The following SLC39A11 variants were observed in gnomAD, a reference collection of about 807,000 sequenced individuals.
SLC39A11 encodes zinc transporter ZIP11.
A neutral mutation model predicts 36.1 loss-of-function variants in SLC39A11; 33 were observed. The observed-to-expected ratio is 0.91, with a 90% CI of 0.69 to 1.22. The LOEUF (loss-of-function observed/expected upper bound fraction) is 1.22. SLC39A11 is among the 50% of genes most tolerant of loss of function. The probability of loss-of-function intolerance (pLI) is 0.00; values close to 1 mark genes in which losing one functional copy is unlikely to be tolerated. For missense variants in SLC39A11, 432 were observed against 430.3 expected (o/e 1.00, Z -0.03); for synonymous variants, 166 against 170.3 (o/e 0.97, Z 0.20).
At chr17:72,886,507 G>A (rs905034447) in intron 5 of SLC39A11, among the ~76,000 whole-genome samples, 8 of 151,988 alleles carry the variant, frequency 5.3e-5, no homozygotes, top group Non-Finnish European at 8.8e-5. Context: ...ATTCAACTCC[G>A]CCACTCTTTC....
intron 7 of SLC39A11, among the ~76,000 whole-genome samples, chr17:72,708,579 T>A (rs1465092520): frequency 6.6e-6 from 1 of 152,132 alleles, no homozygotes; most frequent in Admixed American, 6.6e-5. Flanking sequence ...TGTTACCTCA[T>A]CTCCTAATAT....
At chr17:72,862,152 T>C (rs1169790083) in intron 5 of SLC39A11, among the ~76,000 whole-genome samples, 5 of 152,088 alleles carry the variant, frequency 3.3e-5, no homozygotes, top group Non-Finnish European at 7.4e-5. Context: ...TTTTAATGAA[T>C]CCAATTAGTG....
chr17:73,054,589 C>T (rs1181815633), intron 3 of SLC39A11, among the ~76,000 whole-genome samples: 1 of 152,068 alleles, frequency 6.6e-6, no homozygotes, highest in East Asian at 1.9e-4. Context: ...AGGTGGATCA[C>T]TTGAGGTCAG....
intron 7 of SLC39A11, among the ~76,000 whole-genome samples, chr17:72,702,226 C>T (rs578169093): frequency 6.6e-6 from 1 of 152,368 alleles, no homozygotes; most frequent in African/African-American, 2.4e-5. Context: ...CTGTGTTCTA[C>T]TGAGTCCAAA....
intron 5 of SLC39A11, among the ~76,000 whole-genome samples, chr17:72,867,000 G>A (rs1362141104): frequency 6.6e-6 from 1 of 152,184 alleles, no homozygotes; most frequent in Non-Finnish European, 1.5e-5. Context: ...GAAAATGGAA[G>A]CAACCATTGA....
Position 72,649,213 on chromosome 17 carries a change from G to T in SLC39A11, c.727C>A (p.Leu243Ile), listed in dbSNP as rs374143884. The T allele has an allele frequency of 1.4e-4, 226 of 1,614,124 alleles. No homozygotes were observed. Among genetic ancestry groups the T allele is most frequent in the Non-Finnish European group, 1.8e-4 (214 of 1,180,046 alleles). ...QNFPEGLAVS[L>I]PLRGAGFSTW... The stretch of plus-strand genomic sequence containing the variant: ...GAGAAGCCTGCCCCTCGCAAGGGAA[G>T]GCTGACAGCCAGGCCCTCGGGGAAA... The change falls in exon 8 of 10, where the codon CTT becomes ATT. Residue 243 changes from leucine (L) to isoleucine (I), a missense_variant. Transcript: ENST00000255559.
intron 7 of SLC39A11, among the ~76,000 whole-genome samples, chr17:72,702,959 A>G (rs189667427): frequency 2.7e-5 from 4 of 149,856 alleles, no homozygotes; most frequent in Admixed American, 2.0e-4. Context: ...AAAAAATGGA[A>G]GAAAGGAAAA....
chr17:72,795,686 C>T (rs891688), intron 6 of SLC39A11, among the ~76,000 whole-genome samples: 19,626 of 152,068 alleles, frequency 0.13, 1,950 homozygotes, highest in African/African-American at 0.27. Context: ...ATCCTCCCAA[C>T]AGAAGAGTTC....
chr17:72,793,928 G>A (rs1334238916), intron 6 of SLC39A11, among the ~76,000 whole-genome samples: 1 of 151,342 alleles, frequency 6.6e-6, no homozygotes, highest in Non-Finnish European at 1.5e-5. Flanking sequence ...AAATGACACA[G>A]CTGATACCAC....
At chr17:72,773,816 C>G (rs996375083) in intron 6 of SLC39A11, among the ~76,000 whole-genome samples, 1 of 152,048 alleles carries the variant, frequency 6.6e-6, no homozygotes, top group Non-Finnish European at 1.5e-5. Context: ...ACCTGTAGAC[C>G]TAGAAAAAAA....
At chr17:73,032,754 T>C (rs780086801) in intron 3 of SLC39A11, among the ~76,000 whole-genome samples, 1 of 152,184 alleles carries the variant, frequency 6.6e-6, no homozygotes, top group East Asian at 1.9e-4. Context: ...CAACGTCATA[T>C]TGGTCTCATC....
chr17:72,832,548 C>A (rs546262925), intron 6 of SLC39A11, among the ~76,000 whole-genome samples: 280 of 152,314 alleles, frequency 1.8e-3, no homozygotes, highest in African/African-American at 6.3e-3. Context: ...AATTACCACA[C>A]TGAAAAGTGG....
Position 72,646,230 on chromosome 17 carries a change from T to C in SLC39A11, c.*1354A>G, listed in dbSNP as rs2069555576. The C allele has an allele frequency of 6.6e-6, 1 of 152,652 alleles. No homozygotes were observed. Among genetic ancestry groups the C allele is most frequent in the African/African-American group, 2.4e-5 (1 of 41,452 alleles). 9.5% of individuals were successfully genotyped at this position (152,652 alleles called of 1,614,324 possible). A position where few individuals can be genotyped will look rare whatever the true frequency, so the allele number is the denominator to read the frequency against. On this transcript the variant is annotated 3_prime_UTR_variant, in exon 10 of 10. Coordinates refer to ENST00000255559, the MANE Select transcript of SLC39A11 (RefSeq NM_139177.4). ...AGATTCACCCTTGGAAGCAATTGAA[T>C]GTGTAAACTCTGAGAGCAGACACTG...
intron 4 of SLC39A11, among the ~76,000 whole-genome samples, chr17:72,967,123 T>C (rs561434514): frequency 1.3e-5 from 2 of 152,260 alleles, no homozygotes; most frequent in East Asian, 3.9e-4. Flanking sequence ...TTGTCCATTA[T>C]GGTGAGTTAT....
At chr17:72,856,302 T>A (rs1420406917) in intron 5 of SLC39A11, among the ~76,000 whole-genome samples, 30 of 152,258 alleles carry the variant, frequency 2.0e-4, no homozygotes, top group Non-Finnish European at 1.5e-5. Flanking sequence ...TTTCTTTGAC[T>A]ACAAGTGAGG....
intron 5 of SLC39A11, among the ~76,000 whole-genome samples, chr17:72,893,333 T>C (rs1437124698): frequency 6.6e-6 from 1 of 152,040 alleles, no homozygotes. Context: ...TGGTGACACA[T>C]GCCTATAATC....
intron 6 of SLC39A11, among the ~76,000 whole-genome samples, chr17:72,822,249 TATATATATAGAGAGAGAGA>T (rs1258309849): frequency 1.4e-5 from 2 of 147,556 alleles, no homozygotes; most frequent in Admixed American, 6.8e-5. Flanking sequence ...ACACATACTA[TATATATATAGAGAGAGAGA>T]ATATATATAG....
At chr17:73,006,949 C>G (rs1397819574) in intron 4 of SLC39A11, among the ~76,000 whole-genome samples, 1 of 152,148 alleles carries the variant, frequency 6.6e-6, no homozygotes, top group Non-Finnish European at 1.5e-5. Flanking sequence ...CTCACTCTTT[C>G]CTGTAGCAAA....
chr17:72,671,718 T>TA (rs35369499), intron 7 of SLC39A11, among the ~76,000 whole-genome samples: 38,837 of 148,650 alleles, frequency 0.26, 5,195 homozygotes, highest in Admixed American at 0.29. Flanking sequence ...CAAAACTGTC[T>TA]AAAAAAAAAA....
Sources: gnomAD v4.1 joint callset for allele counts (sites outside exome capture counted in the v4.1 genomes callset) on GRCh38, gnomAD v4.1.1 for gene constraint, MANE v1.5 for transcripts, NCBI Gene and HGNC (gene_info 2026-07-23, HGNC 2026-07-21) for gene names.